ZNF385D: variants seen among roughly 807,000 people sequenced by gnomAD.
ZNF385D encodes zinc finger protein 385D.
A neutral mutation model predicts 35.8 loss-of-function variants in ZNF385D; 15 were observed. That is an observed-to-expected ratio of 0.42 (90% CI 0.28 to 0.64). ZNF385D has a LOEUF of 0.64. Ranked by LOEUF, ZNF385D falls within the 30% of genes least tolerant of loss-of-function variation. The probability of loss-of-function intolerance (pLI) is 0.23; values close to 1 mark genes in which losing one functional copy is unlikely to be tolerated. For synonymous variants in ZNF385D, 212 were observed against 186.8 expected, an observed-to-expected ratio of 1.13 and a Z score of -1.10; for missense variants, 474 against 494.6, an observed-to-expected ratio of 0.96 and a Z score of 0.39.
intron 1 of ZNF385D, among the ~76,000 whole-genome samples, chr3:21,694,042 C>CTGTTTTTTTTTTTTTTT (rs2067379702): frequency 4.5e-5 from 1 of 22,178 alleles, no homozygotes. Flanking sequence ...CTACGCCTGG[C>CTGTTTTTTTTTTTTTTT]TTTTTTTTTT....
chr3:22,086,403 C>G (rs895217466), intron 3 of ZNF385D, among the ~76,000 whole-genome samples: 8 of 151,980 alleles, frequency 5.3e-5, no homozygotes, highest in South Asian at 2.1e-4. Context: ...TTCCTATACA[C>G]CAATAACAGA....
intron 2 of ZNF385D, among the ~76,000 whole-genome samples, chr3:22,336,648 AAAATT>A (rs1448407984): frequency 4.6e-5 from 7 of 152,198 alleles, no homozygotes; most frequent in Admixed American, 4.6e-4. Flanking sequence ...TATAACTGGT[AAAATT>A]AAATATCAAA....
chr3:22,209,588 T>G (rs1697383117), intron 2 of ZNF385D, among the ~76,000 whole-genome samples: 1 of 151,894 alleles, frequency 6.6e-6, no homozygotes, highest in Admixed American at 6.6e-5. Context: ...CTGGTAAATT[T>G]TATTGCATTT....
intron 1 of ZNF385D, among the ~76,000 whole-genome samples, chr3:21,681,716 A>G (rs2066917223): frequency 6.6e-6 from 1 of 151,564 alleles, no homozygotes; most frequent in African/African-American, 2.4e-5. Context: ...AAAAACAAAC[A>G]AAAAAGGAAA....
intron 1 of ZNF385D, among the ~76,000 whole-genome samples, chr3:21,731,237 T>C (rs2068982477): frequency 6.6e-6 from 1 of 152,236 alleles, no homozygotes; most frequent in South Asian, 2.1e-4. Flanking sequence ...GGACTAGATA[T>C]AGTCTATTAT....
At chr3:22,173,320 TTAA>T (rs1470975363) in intron 2 of ZNF385D, among the ~76,000 whole-genome samples, 2 of 152,198 alleles carry the variant, frequency 1.3e-5, no homozygotes, top group Admixed American at 6.5e-5. Flanking sequence ...TAGAGTATCA[TTAA>T]TAATAATGTA....
At chr3:22,009,349 C>T (rs946696232) in intron 3 of ZNF385D, among the ~76,000 whole-genome samples, 49 of 151,892 alleles carry the variant, frequency 3.2e-4, no homozygotes, top group Admixed American at 8.5e-4. Flanking sequence ...TTTGGCTAGG[C>T]GAGGTGGCTC....
At chr3:21,974,360 T>C (rs1022714100) in intron 3 of ZNF385D, among the ~76,000 whole-genome samples, 2 of 152,054 alleles carry the variant, frequency 1.3e-5, no homozygotes, top group Admixed American at 1.3e-4. Flanking sequence ...CTGGGAAAAC[T>C]AGATATGCAT....
intron 2 of ZNF385D, among the ~76,000 whole-genome samples, chr3:22,243,351 C>T (rs1473044658): frequency 1.3e-5 from 2 of 150,842 alleles, no homozygotes; most frequent in African/African-American, 4.9e-5. Flanking sequence ...AGAATGGCTA[C>T]AATCAAAAAG....
chr3:21,855,585 C>G (rs190895116), intron 3 of ZNF385D, among the ~76,000 whole-genome samples: 98 of 152,106 alleles, frequency 6.4e-4, no homozygotes, highest in African/African-American at 2.3e-3. Context: ...GTTTTCCTCA[C>G]CATACTAATC....
intron 1 of ZNF385D, among the ~76,000 whole-genome samples, chr3:21,681,611 G>T (rs74285133): frequency 0.045 from 6,383 of 142,454 alleles, 183 homozygotes; most frequent in South Asian, 0.095. Flanking sequence ...AAAGGAAACA[G>T]AACAATAGAG....
chr3:22,260,222 G>T (rs1430109721), intron 2 of ZNF385D, among the ~76,000 whole-genome samples: 1 of 151,874 alleles, frequency 6.6e-6, no homozygotes, highest in African/African-American at 2.4e-5. Flanking sequence ...TTCATTCTCA[G>T]CAAACTAACA....
At chr3:22,271,672 TAA>T (rs966688276) in intron 2 of ZNF385D, among the ~76,000 whole-genome samples, 1 of 151,860 alleles carries the variant, frequency 6.6e-6, no homozygotes, top group Non-Finnish European at 1.5e-5. Context: ...TCTTTAAGCT[TAA>T]AAAACTCCCC....
chr3:21,542,086 C>A (rs1020650972), intron 3 of ZNF385D, among the ~76,000 whole-genome samples: 16 of 151,994 alleles, frequency 1.1e-4, no homozygotes, highest in Admixed American at 5.2e-4. Context: ...AACTCGGAGG[C>A]TTCTACAAAA....
intron 3 of ZNF385D, 120 bp downstream of exon 3, chr3:21,564,454 C>G (rs140166090): frequency 3.8e-6 from 2 of 531,158 alleles, no homozygotes; most frequent in Non-Finnish European, 6.2e-6. Context: ...AAAATGTTAT[C>G]TTTGAATTTT....
At chr3:21,711,332 C>T (rs912576336) in intron 1 of ZNF385D, among the ~76,000 whole-genome samples, 5 of 151,994 alleles carry the variant, frequency 3.3e-5, no homozygotes, top group Non-Finnish European at 5.9e-5. Flanking sequence ...TGAGCCACCG[C>T]GCCCGGCCGC....
intron 3 of ZNF385D, among the ~76,000 whole-genome samples, chr3:22,082,609 C>T (rs1700810201): frequency 1.3e-5 from 2 of 152,332 alleles, no homozygotes; most frequent in South Asian, 4.1e-4. Flanking sequence ...CTGCAGACTC[C>T]ACCTCTAGGG....
intron 1 of ZNF385D, among the ~76,000 whole-genome samples, chr3:21,687,935 C>T (rs1019478352): frequency 6.6e-6 from 1 of 151,856 alleles, no homozygotes; most frequent in African/African-American, 2.4e-5. Context: ...GATCTGTCAC[C>T]CAGGCTTGGA....
At chr3:22,130,270 G>A (rs573564714) in intron 3 of ZNF385D, among the ~76,000 whole-genome samples, 1 of 152,134 alleles carries the variant, frequency 6.6e-6, no homozygotes, top group Non-Finnish European at 1.5e-5. Flanking sequence ...GGAGAAGGGT[G>A]ATGCAAGTAT....
Sources: allele counts gnomAD v4.1 joint callset (sites outside exome capture counted in the v4.1 genomes callset), GRCh38; gene constraint gnomAD v4.1.1; transcripts MANE v1.5; gene names NCBI Gene and HGNC (gene_info 2026-07-23, HGNC 2026-07-21).